Variants in DNAH10 observed in about 807,000 individuals in gnomAD.
DNAH10 encodes the protein dynein axonemal heavy chain 10, also known as axonemal beta dynein heavy chain 10.
Under a neutral mutation model 506.6 loss-of-function variants are expected in DNAH10, and 348 were observed. The observed-to-expected ratio is 0.69, with a 90% confidence interval of 0.63 to 0.75. The LOEUF (loss-of-function observed/expected upper bound fraction) is 0.75, where lower values mean the gene tolerates loss of function less well. Among genes scored for constraint, DNAH10 ranks in the 30% least tolerant of loss-of-function variants. The probability of loss-of-function intolerance (pLI) is 0.00; values close to 1 mark genes in which losing one functional copy is unlikely to be tolerated. For missense variants in DNAH10, 5,179 were observed against 5,787.1 expected (o/e 0.89, Z 3.41); for synonymous variants, 2,059 against 2,198.6 (o/e 0.94, Z 1.78).
rs868268808 is a variant in DNAH10, at chr12:123,799,260, T to C, written c.2178T>C (p.Tyr726=). The part of the protein sequence containing the change: ...SDRGQEVKQK[Y]LEVGRTMKEY... ...TTCTTTGATAGGTCAAACAAAAATA[T>C]TTGGAAGTAGGTAGGACAATGAAGG... The change falls in exon 14 of 79, where the codon TAT becomes TAC. Residue 726 remains tyrosine (Y), a synonymous_variant. Coordinates refer to ENST00000673944, the MANE Select transcript of DNAH10 (RefSeq NM_001372106.1). 6.2e-7 allele frequency: 1 copy of C among 1,607,374 alleles called. No homozygotes were observed. The highest frequency in any genetic ancestry group is 1.3e-5 in the African/African-American group (1 of 74,718).
intron 4 of DNAH10, among the ~76,000 whole-genome samples, chr12:123,773,455 A>C (rs1335176342): frequency 1.3e-5 from 2 of 152,254 alleles, no homozygotes; most frequent in Non-Finnish European, 1.5e-5. Flanking sequence ...GAGTGAAGAC[A>C]GGCAAAGCCC....
intron 57 of DNAH10, among the ~76,000 whole-genome samples, chr12:123,906,263 A>G (rs1252267346): frequency 6.8e-6 from 1 of 147,164 alleles, no homozygotes; most frequent in Non-Finnish European, 1.5e-5. Context: ...ATTTTTTGAG[A>G]CAGAGTCTCA....
chr12:123,871,562 C>T lies in DNAH10; in HGVS notation c.7745C>T (p.Thr2582Ile), dbSNP rs1952038937. Residue 2582 changes from threonine to isoleucine, a missense_variant, in exon 45 of 79, where the codon ACT (threonine) becomes ATT (isoleucine). Around this residue, in one of 3 missense-constraint regions of DNAH10, gnomAD observed 4,844 missense variants for 5,430.5 expected, o/e 0.89. Transcript: ENST00000673944. ...VGESGTSKTA[T>I]TQNFLKNLSE... ...GAATCTGGCACTTCTAAGACAGCCA[C>T]TACCCAGAATTTCCTCAAAAATCTG... 1.3e-6 allele frequency: 2 copies of T among 1,551,702 alleles called. No homozygotes were observed. The highest frequency in any genetic ancestry group is 1.7e-6 in the Non-Finnish European group (2 of 1,147,164).
At chr12:123,889,469 G>A (rs995754691) in intron 52 of DNAH10, among the ~76,000 whole-genome samples, 3 of 152,192 alleles carry the variant, frequency 2.0e-5, no homozygotes, top group African/African-American at 7.2e-5. Context: ...GAATAAGATG[G>A]TCATGACCTC....
chr12:123,870,253 A>G, intron 43 of DNAH10, 113 bp from the exon 44 acceptor site: 1 of 1,393,766 alleles, frequency 7.2e-7, no homozygotes, highest in Non-Finnish European at 9.7e-7. Flanking sequence ...TGAAGTACTC[A>G]CTATGGCCTC....
intron 55 of DNAH10, 139 bp downstream of exon 55, chr12:123,898,106 G>A: frequency 1.2e-6 from 1 of 826,790 alleles, no homozygotes; most frequent in Middle Eastern, 3.6e-4. Flanking sequence ...TTTGTGTCTT[G>A]GAGCGATTCT....
intron 66 of DNAH10, 141 bp downstream of exon 66, chr12:123,924,008 A>C: frequency 1.4e-6 from 1 of 740,504 alleles, no homozygotes. Context: ...TCACTATTCC[A>C]GTTGATCATT....
At chr12:123,884,569 T>G (rs1289504849) in intron 51 of DNAH10, among the ~76,000 whole-genome samples, 3 of 152,202 alleles carry the variant, frequency 2.0e-5, no homozygotes, top group African/African-American at 7.2e-5. Flanking sequence ...ACGAAAAGTC[T>G]TTGGGGTCCC....
At chr12:123,772,141 T>C (rs1565884593) in intron 3 of DNAH10, among the ~76,000 whole-genome samples, 1 of 152,180 alleles carries the variant, frequency 6.6e-6, no homozygotes, top group Non-Finnish European at 1.5e-5. Flanking sequence ...CACACAGGCA[T>C]GGAGCATCCA....
rs981644838 is a variant in DNAH10 at position 123,909,668 on chromosome 12, T to G, written c.9997+226T>G. Among the ~76,000 whole-genome samples, 2 of 152,170 alleles carry G rather than the reference T, an allele frequency of 1.3e-5. No homozygotes were observed. The highest frequency in any genetic ancestry group is 6.5e-5 in the Admixed American group (1 of 15,282). ...GATGCGCGGCGGCAGCCGTGCCCAC[T>G]GAGGGTTCGATTCGGCACTAGTCCT... On this transcript the variant is annotated intron_variant, in intron 58 of 78. Coordinates refer to ENST00000673944, the MANE Select transcript of DNAH10 (RefSeq NM_001372106.1). This position sits in a 1 kb window ranked among gnomAD's most constrained non-coding sequence, Gnocchi z 5.4.
chr12:123,811,326 CTTT>C (rs113411148), intron 19 of DNAH10, among the ~76,000 whole-genome samples: 2 of 142,512 alleles, frequency 1.4e-5, no homozygotes, highest in Non-Finnish European at 1.5e-5. Context: ...ATTAGTATTA[CTTT>C]TTTTTTTTTT....
chr12:123,917,457 A>G lies in DNAH10; in HGVS notation c.11003-127A>G. The G allele has an allele frequency of 1.1e-6, 1 of 886,324 alleles. No homozygotes were observed. Among genetic ancestry groups the G allele is most frequent in the East Asian group, 2.6e-5 (1 of 37,740 alleles). The allele number at this position is 886,324 out of a possible 1,614,324, so 54.9% of individuals were successfully genotyped here. On this transcript the variant is annotated intron_variant, in intron 63 of 78. Coordinates refer to ENST00000673944, the MANE Select transcript of DNAH10 (RefSeq NM_001372106.1). The surrounding 1 kb of genome is among the most constrained non-coding windows in gnomAD (Gnocchi z 5.6). ...CTGCTCTAGAGTGACTTTGGTGGGCAGTGAATCCTCGTGCCTCTGGCCTGC... is the reference window on the plus strand; with the variant it reads ...CTGCTCTAGAGTGACTTTGGTGGGCGGTGAATCCTCGTGCCTCTGGCCTGC...
chr12:123,779,330 A>G (rs1957557280), intron 5 of DNAH10, among the ~76,000 whole-genome samples: 1 of 152,096 alleles, frequency 6.6e-6, no homozygotes, highest in Non-Finnish European at 1.5e-5. Context: ...ATAAGCTACC[A>G]TGCCCAGCTT....
intron 10 of DNAH10, among the ~76,000 whole-genome samples, chr12:123,789,180 G>A (rs1376731421): frequency 4.0e-5 from 6 of 151,894 alleles, no homozygotes; most frequent in African/African-American, 1.4e-4. Context: ...CCTGGGAGGT[G>A]GAGGTTGCAG....
rs1364106082 is a variant in DNAH10 at position 123,794,048 on chromosome 12, G to A, written c.1922G>A (p.Arg641Gln). 1.3e-5 allele frequency: 17 copies of A among 1,286,166 alleles called. No homozygotes were observed. In the East Asian group the frequency reaches 5.0e-4, roughly 38 times the overall value. 79.7% of individuals were successfully genotyped at this position (1,286,166 alleles called of 1,614,324 possible). Residue 641 changes from arginine (R) to glutamine (Q), a missense_variant, in exon 12 of 79, where the codon CGG (arginine) becomes CAG (glutamine). By Grantham distance (43) the Arg-to-Gln change is conservative (BLOSUM62 1). This residue lies in a region of DNAH10 where 4,844 missense variants were observed against 5,430.5 expected (regional missense o/e 0.89). Coordinates refer to ENST00000673944, the MANE Select transcript of DNAH10 (RefSeq NM_001372106.1). ...MLLKFKHIRS[R>Q]EAVNRQMMMK... is the part of the protein sequence containing the mutation. ...TTAAAATTTAAGCACATTCGTTCAC[G>A]GGAGGCTGTTAATCGACAAATGATG... is the stretch of plus-strand genomic sequence containing the variant.
chr12:123,881,650 G>C lies in DNAH10; in HGVS notation c.8660G>C (p.Ser2887Thr). The C allele has an allele frequency of 1.3e-6, 2 of 1,538,232 alleles. No individual in the cohort carries two copies. The highest frequency in any genetic ancestry group is 1.7e-4 in the Middle Eastern group (1 of 5,956). Residue 2887 changes from serine to threonine, a missense_variant, in exon 51 of 79, where the codon AGC becomes ACC. This residue lies in a region of DNAH10 where 4,844 missense variants were observed against 5,430.5 expected (regional missense o/e 0.89). Coordinates refer to ENST00000673944, the MANE Select transcript of DNAH10 (RefSeq NM_001372106.1). ...GAAATTCTTGAAGAGTATAATGAAAGCAACACCAAAATGAACTTGGTTCTC... is the reference window on the plus strand; with the variant it reads ...GAAATTCTTGAAGAGTATAATGAAACCAACACCAAAATGAACTTGGTTCTC... The part of the protein sequence containing the change: ...FQEILEEYNE[S>T]NTKMNLVLFD...
At chr12:123,827,979 TC>T (rs1406124167) in intron 25 of DNAH10, among the ~76,000 whole-genome samples, 1 of 152,184 alleles carries the variant, frequency 6.6e-6, no homozygotes, top group Non-Finnish European at 1.5e-5. Flanking sequence ...GGTTTTATAA[TC>T]CCATAACCCA....
chr12:123,928,250 G>A lies in DNAH10; in HGVS notation c.12106-137G>A, dbSNP rs1955032956. On this transcript the variant is annotated intron_variant, in intron 69 of 78. Coordinates refer to ENST00000673944, the MANE Select transcript of DNAH10 (RefSeq NM_001372106.1). This position sits in a 1 kb window ranked among gnomAD's most constrained non-coding sequence, Gnocchi z 4.9. ...GGTTTATTTGAAGGCTCCACCTGTA[G>A]CTCCTGGATCCTCGGCTTGCTTTTG... 1 of 955,108 alleles carries A rather than the reference G, an allele frequency of 1.0e-6. No individual in the cohort carries two copies. The highest frequency in any genetic ancestry group is 1.6e-5 in the African/African-American group (1 of 60,790). The allele number at this position is 955,108 out of a possible 1,614,324, so 59.2% of individuals were successfully genotyped here.
chr12:123,856,012 ATAT>A (rs1383426939), intron 36 of DNAH10, among the ~76,000 whole-genome samples: 14 of 148,530 alleles, frequency 9.4e-5, no homozygotes, highest in Non-Finnish European at 2.1e-4. Context: ...ATTTACATTT[ATAT>A]TATTTATATG....
Sources: gnomAD v4.1 joint callset for allele counts (sites outside exome capture counted in the v4.1 genomes callset) on GRCh38, gnomAD v4.1.1 for gene constraint, gnomAD v4.1.1 regional missense constraint, Gnocchi (gnomAD v3.1) non-coding constraint, MANE v1.5 for transcripts, NCBI Gene and HGNC (gene_info 2026-07-23, HGNC 2026-07-21) for gene names.